The following MCTP1 variants were observed in gnomAD, a reference collection of about 807,000 sequenced individuals.
The protein encoded by MCTP1 is multiple C2 and transmembrane domain-containing protein 1.
Under a neutral mutation model 120.6 loss-of-function variants are expected in MCTP1, and 69 were observed. That is an observed-to-expected ratio of 0.57 (90% CI 0.47 to 0.70). MCTP1 has a LOEUF of 0.70. Among genes scored for constraint, MCTP1 ranks in the 30% least tolerant of loss-of-function variants. The pLI, the probability that MCTP1 is intolerant of heterozygous loss-of-function variation, is 0.00. For missense variants in MCTP1, 1,203 were observed against 1,248.8 expected, an observed-to-expected ratio of 0.96 and a Z score of 0.55; for synonymous variants, 529 against 493.1, an observed-to-expected ratio of 1.07 and a Z score of -0.96.
chr5:95,083,421 T>C (rs1458615755), intron 1 of MCTP1, among the ~76,000 whole-genome samples: 1 of 152,208 alleles, frequency 6.6e-6, no homozygotes, highest in African/African-American at 2.4e-5. Flanking sequence ...TTAGGATGTC[T>C]ATTTATCTCC....
Position 94,714,773 on chromosome 5 carries a change from T to A in MCTP1, c.2720+4A>T, listed in dbSNP as rs938754422. ...AATGGGGCTCACAGGTCACCGTCAC[T>A]CACTTCTTTATCCTTTCGCCAAAGG... On this transcript the variant is annotated splice_donor_region_variant and intron_variant, in intron 20 of 22. Transcript: ENST00000515393. 6.5e-6 allele frequency: 10 copies of A among 1,534,384 alleles called. No homozygotes were observed. Among genetic ancestry groups the A allele is most frequent in the Non-Finnish European group, 8.1e-6 (9 of 1,107,414 alleles).
At chr5:94,885,346 A>C (rs976395485) in intron 12 of MCTP1, among the ~76,000 whole-genome samples, 9 of 151,792 alleles carry the variant, frequency 5.9e-5, no homozygotes, top group African/African-American at 1.9e-4. Context: ...ACCCAGGGGA[A>C]AATGAAATGA....
chr5:95,024,865 G>A (rs1838938010), intron 1 of MCTP1, among the ~76,000 whole-genome samples: 1 of 152,038 alleles, frequency 6.6e-6, no homozygotes, highest in South Asian at 2.1e-4. Flanking sequence ...TAATCAAGAA[G>A]GTGAAAGATC....
chr5:95,158,429 A>G (rs1745358116), intron 1 of MCTP1, among the ~76,000 whole-genome samples: 1 of 152,210 alleles, frequency 6.6e-6, no homozygotes, highest in African/African-American at 2.4e-5. Context: ...TGGAAATACA[A>G]AAGGCTGTGA....
chr5:94,809,340 A>G (rs1782982804), intron 17 of MCTP1, among the ~76,000 whole-genome samples: 2 of 152,034 alleles, frequency 1.3e-5, no homozygotes, highest in Admixed American at 6.6e-5. Flanking sequence ...CTTTGAGAAC[A>G]CTGACAACTC....
At chr5:94,974,713 A>G (rs1257447396) in intron 2 of MCTP1, among the ~76,000 whole-genome samples, 1 of 152,240 alleles carries the variant, frequency 6.6e-6, no homozygotes, top group East Asian at 1.9e-4. Flanking sequence ...CAGATCCTAT[A>G]GAATATATGC....
intron 17 of MCTP1, 146 bp from the exon 18 acceptor site, chr5:94,799,278 T>C: frequency 1.4e-6 from 1 of 735,732 alleles, no homozygotes; most frequent in Non-Finnish European, 2.1e-6. Context: ...TGGAAACTTT[T>C]AGACATTTTT....
Position 94,799,105 on chromosome 5 carries a change from C to G in MCTP1, c.2464G>C (p.Glu822Gln). Residue 822 changes from glutamate to glutamine, a missense_variant, in exon 18 of 23, where the codon GAG (glutamate) becomes CAG (glutamine). This residue lies in a region of MCTP1 where 740 missense variants were observed against 871.1 expected (regional missense o/e 0.85). Coordinates refer to ENST00000515393, the MANE Select transcript of MCTP1 (RefSeq NM_024717.7). ...VLFLFVVWNF[E>Q]LYMIPLVLLL... ...AAAACCAGTGGTATCATGTAGAGCT[C>G]AAAGTTCCAGACAACAAAGAGAAAG... 6.2e-7 allele frequency: 1 copy of G among 1,611,690 alleles called. No individual in the cohort carries two copies. The highest frequency in any genetic ancestry group is 2.2e-5 in the East Asian group (1 of 44,730).
chr5:95,087,154 G>C (rs1755498397), intron 1 of MCTP1, among the ~76,000 whole-genome samples: 1 of 152,144 alleles, frequency 6.6e-6, no homozygotes, highest in Non-Finnish European at 1.5e-5. Context: ...GAGGCTATGA[G>C]GTTTACACTT....
chr5:94,834,715 TG>T (rs1789306669), intron 17 of MCTP1, among the ~76,000 whole-genome samples: 1 of 151,928 alleles, frequency 6.6e-6, no homozygotes, highest in African/African-American at 2.4e-5. Flanking sequence ...GGACAGAGTG[TG>T]GAGGGTCTAA....
Position 94,863,393 on chromosome 5 carries a change from A to G in MCTP1, c.2436+4940T>C, listed in dbSNP as rs184417492. 1.3e-3 allele frequency among the ~76,000 whole-genome samples: 195 copies of G among 152,042 alleles called. 1 individual carries two copies. The Middle Eastern group carries it at 0.014, about 11-fold the overall frequency. On this transcript the variant is annotated intron_variant, in intron 17 of 22. Coordinates refer to ENST00000515393, the MANE Select transcript of MCTP1 (RefSeq NM_024717.7). ...CTATAAAAATCATTTGAAAATTGCC[A>G]TAGACTTGAAGCGTAATTTCATTGC...
intron 1 of MCTP1, among the ~76,000 whole-genome samples, chr5:95,202,544 AT>A (rs1280909009): frequency 6.6e-6 from 1 of 152,076 alleles, no homozygotes; most frequent in East Asian, 1.9e-4. Context: ...GACTAGTACA[AT>A]TTCTTTGTAA....
intron 2 of MCTP1, among the ~76,000 whole-genome samples, chr5:94,990,601 T>C (rs1320394154): frequency 1.3e-5 from 2 of 152,228 alleles, no homozygotes; most frequent in African/African-American, 4.8e-5. Flanking sequence ...TCATCTCCCT[T>C]TTGATTAACT....
intron 19 of MCTP1, among the ~76,000 whole-genome samples, chr5:94,716,599 A>ATAAG (rs1326965467): frequency 1.3e-5 from 2 of 152,190 alleles, no homozygotes; most frequent in Non-Finnish European, 2.9e-5. Flanking sequence ...CACATACAGA[A>ATAAG]TAAGTCAAAC....
chr5:94,941,959 A>G (rs1036347043), intron 4 of MCTP1, among the ~76,000 whole-genome samples: 1 of 152,040 alleles, frequency 6.6e-6, no homozygotes, highest in Non-Finnish European at 1.5e-5. Context: ...AAGTGTACAC[A>G]CTGCATTTTA....
At chr5:95,282,682 C>A (rs1374231331) in intron 1 of MCTP1, among the ~76,000 whole-genome samples, 1 of 152,142 alleles carries the variant, frequency 6.6e-6, no homozygotes, top group Non-Finnish European at 1.5e-5. Context: ...AAATATTTTT[C>A]TGGATCATCA....
chr5:95,006,063 A>G (rs1199798932), intron 2 of MCTP1, among the ~76,000 whole-genome samples: 1 of 152,058 alleles, frequency 6.6e-6, no homozygotes, highest in Non-Finnish European at 1.5e-5. Flanking sequence ...AAACCATAGC[A>G]CCCAGAGAGA....
chr5:95,284,412 G>A lies in MCTP1; in HGVS notation c.164C>T (p.Ser55Leu), dbSNP rs1760590231. ...GCCCACCGGGGGTGGCGGGGAGGGCGACGGGGTGTCCGCAGTGCGGCGCTC... is the reference window on the plus strand; with the variant it reads ...GCCCACCGGGGGTGGCGGGGAGGGCAACGGGGTGTCCGCAGTGCGGCGCTC... ...GPERRTADTP[S>L]PSPPPPVGTG... The change falls in exon 1 of 23, where the codon TCG becomes TTG. Residue 55 changes from serine to leucine, a missense_variant. Physicochemically the swap from Ser to Leu is moderately radical, Grantham distance 145 (BLOSUM62 -2). Around this residue, in one of 2 missense-constraint regions of MCTP1, gnomAD observed 463 missense variants for 377.8 expected, o/e 1.23. Coordinates refer to ENST00000515393, the MANE Select transcript of MCTP1 (RefSeq NM_024717.7). This position sits in a 1 kb window ranked among gnomAD's most constrained non-coding sequence, Gnocchi z 5.2. The A allele has an allele frequency of 1.3e-6, 2 of 1,579,988 alleles. No individual in the cohort carries two copies. The highest frequency in any genetic ancestry group is 3.4e-5 in the Admixed American group (2 of 58,148).
intron 1 of MCTP1, among the ~76,000 whole-genome samples, chr5:95,125,180 CTT>C (rs1758530688): frequency 6.6e-6 from 1 of 152,198 alleles, no homozygotes; most frequent in Non-Finnish European, 1.5e-5. Context: ...TTGTGCAACT[CTT>C]GACTGCTGTA....
Sources: gnomAD v4.1 joint callset for allele counts (sites outside exome capture counted in the v4.1 genomes callset) on GRCh38, gnomAD v4.1.1 for gene constraint, gnomAD v4.1.1 regional missense constraint, Gnocchi (gnomAD v3.1) non-coding constraint, MANE v1.5 for transcripts, NCBI Gene and HGNC (gene_info 2026-07-23, HGNC 2026-07-21) for gene names.